The following OCA2 variants were observed in gnomAD, a reference collection of about 807,000 sequenced individuals.
OCA2 encodes the protein P protein.
A neutral mutation model predicts 100.2 loss-of-function variants in OCA2; 77 were observed. The observed-to-expected ratio is 0.77, with a 90% confidence interval of 0.64 to 0.93. The LOEUF is 0.93. Ranked by LOEUF, OCA2 falls within the 40% of genes least tolerant of loss-of-function variation. The probability of loss-of-function intolerance (pLI) is 0.00; values close to 1 mark genes in which losing one functional copy is unlikely to be tolerated. For synonymous variants in OCA2, 432 were observed against 439.2 expected (o/e 0.98, Z 0.21); for missense variants, 1,062 against 1,089.1 (o/e 0.98, Z 0.35).
chr15:28,047,025 A>G (rs1471466038), intron 2 of OCA2, among the ~76,000 whole-genome samples: 1 of 152,112 alleles, frequency 6.6e-6, no homozygotes, highest in Non-Finnish European at 1.5e-5. Context: ...CCCTCTCCGA[A>G]AAAAATTTGC....
chr15:27,768,743 C>T (rs976070518), intron 23 of OCA2, among the ~76,000 whole-genome samples: 1 of 152,186 alleles, frequency 6.6e-6, no homozygotes. Flanking sequence ...CCAGTGATAA[C>T]CCTGTCTATG....
At chr15:27,805,803 G>C (rs2033818315) in intron 23 of OCA2, among the ~76,000 whole-genome samples, 1 of 152,032 alleles carries the variant, frequency 6.6e-6, no homozygotes, top group Admixed American at 6.5e-5. Flanking sequence ...GGCTTCGGGA[G>C]TGTCCAGGAG....
At chr15:27,764,745 G>A (rs947815545) in intron 23 of OCA2, among the ~76,000 whole-genome samples, 3 of 152,168 alleles carry the variant, frequency 2.0e-5, no homozygotes. Context: ...TCCTGGGAAG[G>A]TGAAGGAGTT....
intron 2 of OCA2, among the ~76,000 whole-genome samples, chr15:28,059,392 A>G (rs1225409251): frequency 1.3e-5 from 2 of 152,234 alleles, no homozygotes; most frequent in African/African-American, 4.8e-5. Context: ...CAGAAGGATA[A>G]GATAGGCTGA....
intron 23 of OCA2, among the ~76,000 whole-genome samples, chr15:27,799,492 T>C (rs1210294291): frequency 2.0e-5 from 3 of 152,084 alleles, no homozygotes; most frequent in Admixed American, 6.6e-5. Context: ...AAAATATCTT[T>C]TAAGCACTTT....
At chr15:27,939,900 C>T (rs543881003) in intron 18 of OCA2, among the ~76,000 whole-genome samples, 3 of 152,318 alleles carry the variant, frequency 2.0e-5, no homozygotes, top group African/African-American at 7.2e-5. Context: ...ACGTTTACTC[C>T]TCATTGCAGG....
At position 28,050,953 on chromosome 15, in the gene OCA2, CT is replaced by C. The variant is rs1406104924; in HGVS notation, c.228-18791del. 7.2e-5 allele frequency among the ~76,000 whole-genome samples: 11 copies of C among 152,300 alleles called. 1 individual carries two copies. The Middle Eastern group carries it at 0.014, about 188-fold the overall frequency. ...GCACCCCTCCTCTGCCCTGCACCCC[CT>C]ACTGCCCTCCACCCCAGTACAGCCA... On this transcript the variant is annotated intron_variant, in intron 2 of 23. Transcript: ENST00000354638.
chr15:27,941,386 A>C (rs1423403419), intron 18 of OCA2, among the ~76,000 whole-genome samples: 1 of 152,210 alleles, frequency 6.6e-6, no homozygotes, highest in Non-Finnish European at 1.5e-5. Flanking sequence ...ACTCCGTCAA[A>C]ATTATCCAAC....
At chr15:28,048,933 C>G (rs2043424591) in intron 2 of OCA2, among the ~76,000 whole-genome samples, 1 of 152,094 alleles carries the variant, frequency 6.6e-6, no homozygotes, top group Non-Finnish European at 1.5e-5. Context: ...ACCCGGGAGA[C>G]AGAGATTGCA....
chr15:28,070,348 T>C (rs2044203739), intron 2 of OCA2, among the ~76,000 whole-genome samples: 1 of 138,468 alleles, frequency 7.2e-6, no homozygotes. Context: ...AGCCGCCCCG[T>C]CCGGGAGGTG....
intron 9 of OCA2, among the ~76,000 whole-genome samples, chr15:27,991,844 A>G (rs941971096): frequency 6.6e-6 from 1 of 152,194 alleles, no homozygotes; most frequent in African/African-American, 2.4e-5. Flanking sequence ...CACAGCTTCC[A>G]TCTCACAGAA....
chr15:28,007,250 T>C (rs961905116), intron 9 of OCA2, among the ~76,000 whole-genome samples: 16 of 152,262 alleles, frequency 1.1e-4, no homozygotes, highest in African/African-American at 3.9e-4. Flanking sequence ...TGAAATATTG[T>C]TCATTAAGAC....
chr15:28,002,333 G>A (rs1566782762), intron 9 of OCA2, among the ~76,000 whole-genome samples: 1 of 152,194 alleles, frequency 6.6e-6, no homozygotes, highest in Non-Finnish European at 1.5e-5. Context: ...GAGCTACAGG[G>A]CATGGTCTGA....
At chr15:27,844,672 TTG>T (rs1267567652) in intron 23 of OCA2, among the ~76,000 whole-genome samples, 1 of 152,136 alleles carries the variant, frequency 6.6e-6, no homozygotes, top group Non-Finnish European at 1.5e-5. Flanking sequence ...CTAATTTTTT[TTG>T]TGTTTTCACC....
At chr15:28,005,069 C>T (rs957525809) in intron 9 of OCA2, among the ~76,000 whole-genome samples, 23 of 152,142 alleles carry the variant, frequency 1.5e-4, no homozygotes, top group Admixed American at 1.5e-3. Flanking sequence ...ACTGCCCCTG[C>T]GAGCTGGACC....
At chr15:27,941,614 G>A (rs1056990600) in intron 18 of OCA2, among the ~76,000 whole-genome samples, 11 of 152,316 alleles carry the variant, frequency 7.2e-5, no homozygotes, top group African/African-American at 2.2e-4. Context: ...CCCGCATGTG[G>A]AGAATCATGA....
In OCA2 at chr15:28,043,686, G is replaced by A. The variant is rs940674064; in HGVS notation, c.228-11523C>T. On this transcript the variant is annotated intron_variant, in intron 2 of 23. Transcript: ENST00000354638. This position sits in a 1 kb window ranked among gnomAD's most constrained non-coding sequence, Gnocchi z 4.4. ...GATTGTTTTCAGGCAGAAAAAACCCGAGGGAAGAAATCAGACCAACATTCA... is the reference window on the plus strand; with the variant it reads ...GATTGTTTTCAGGCAGAAAAAACCCAAGGGAAGAAATCAGACCAACATTCA... 6.6e-6 allele frequency among the ~76,000 whole-genome samples: 1 copy of A among 152,188 alleles called. No individual in the cohort carries two copies. The highest frequency in any genetic ancestry group is 6.5e-5 in the Admixed American group (1 of 15,278).
rs547884855 is a variant in OCA2 at position 28,061,519 on chromosome 15, G to C, written c.227+20129C>G. Among the ~76,000 whole-genome samples the C allele has an allele frequency of 1.8e-3, 278 of 152,172 alleles. 4 individuals carry two copies. Among genetic ancestry groups the C allele is most frequent in the African/African-American group, 6.4e-3 (264 of 41,504 alleles). ...AATATACACATGCAAAGACATGTATGGTCCATACACAAGAAAAAAAAATGG... is the reference window on the plus strand; with the variant it reads ...AATATACACATGCAAAGACATGTATCGTCCATACACAAGAAAAAAAAATGG... On this transcript the variant is annotated intron_variant, in intron 2 of 23. Transcript: ENST00000354638.
At chr15:27,760,710 T>C (rs1038680570) in intron 23 of OCA2, among the ~76,000 whole-genome samples, 1 of 152,076 alleles carries the variant, frequency 6.6e-6, no homozygotes, top group Non-Finnish European at 1.5e-5. Flanking sequence ...ATTGTATACA[T>C]ATACATTTAA....
Sources: gnomAD v4.1 joint callset for allele counts (sites outside exome capture counted in the v4.1 genomes callset) on GRCh38, gnomAD v4.1.1 for gene constraint, Gnocchi (gnomAD v3.1) non-coding constraint, MANE v1.5 for transcripts, NCBI Gene and HGNC (gene_info 2026-07-23, HGNC 2026-07-21) for gene names.